The following NEBL variants were observed in gnomAD, a reference collection of about 807,000 sequenced individuals.
The protein encoded by NEBL is LIM and SH3 protein 2.
A neutral mutation model predicts 140.2 loss-of-function variants in NEBL; 122 were observed. The ratio of observed to expected loss-of-function variants is 0.87; its 90% CI spans 0.75 to 1.01. NEBL has a LOEUF of 1.01. Among genes scored for constraint, NEBL ranks in the 50% least tolerant of loss-of-function variants. NEBL has a pLI of 0.00. For missense variants in NEBL, 1,365 were observed against 1,231.3 expected (o/e 1.11, Z -1.62); for synonymous variants, 436 against 398.9 (o/e 1.09, Z -1.11).
chr10:20,939,991 C>T (rs1466688087), intron 4 of NEBL, among the ~76,000 whole-genome samples: 1 of 150,456 alleles, frequency 6.6e-6, no homozygotes, highest in Non-Finnish European at 1.5e-5. Context: ...TAATGGGAGA[C>T]TTTAACAACC....
At chr10:21,144,206 T>C (rs996336260) in intron 2 of NEBL, among the ~76,000 whole-genome samples, 3 of 152,196 alleles carry the variant, frequency 2.0e-5, no homozygotes, top group African/African-American at 7.2e-5. Context: ...ACACAGTCAT[T>C]GCCCTCAGGC....
At chr10:20,873,548 G>C (rs1845188811) in intron 5 of NEBL, among the ~76,000 whole-genome samples, 1 of 150,574 alleles carries the variant, frequency 6.6e-6, no homozygotes, top group Non-Finnish European at 1.5e-5. Flanking sequence ...GGAAGGAGGA[G>C]GGGAGAAAAA....
intron 1 of NEBL, among the ~76,000 whole-genome samples, chr10:21,283,808 T>C (rs1340997931): frequency 6.6e-6 from 1 of 152,058 alleles, no homozygotes; most frequent in Admixed American, 6.6e-5. Flanking sequence ...ATAAGGGACC[T>C]GAGCTGAATT....
At chr10:20,931,279 T>C (rs891771894) in intron 4 of NEBL, among the ~76,000 whole-genome samples, 1 of 152,106 alleles carries the variant, frequency 6.6e-6, no homozygotes, top group Non-Finnish European at 1.5e-5. Flanking sequence ...TAAAAAAAAA[T>C]CTTTGGCACA....
intron 3 of NEBL, among the ~76,000 whole-genome samples, chr10:21,185,015 A>G (rs1042693142): frequency 2.6e-5 from 4 of 152,174 alleles, no homozygotes; most frequent in African/African-American, 4.8e-5. Flanking sequence ...TTGCTATCTT[A>G]CCTTCTCCCA....
chr10:21,171,265 G>A (rs529017867), intron 2 of NEBL, among the ~76,000 whole-genome samples: 57 of 151,502 alleles, frequency 3.8e-4, no homozygotes, highest in Admixed American at 6.6e-4. Context: ...AACCTGGGAG[G>A]TGGTGGTTGC....
Position 20,815,623 on chromosome 10 carries a change from G to A in NEBL, c.2241+2C>T, listed in dbSNP as rs1050564619. 1 of 1,596,934 alleles carries A rather than the reference G, an allele frequency of 6.3e-7. No homozygotes were observed. Among genetic ancestry groups the A allele is most frequent in the Non-Finnish European group, 8.6e-7 (1 of 1,164,620 alleles). On this transcript the variant is annotated splice_donor_variant, in intron 22 of 27. Transcript: ENST00000377122. LOFTEE classifies it low-confidence loss of function (GC_TO_GT_DONOR). Reference sequence around the variant, plus strand: ...TAGTCTAAAATGAAGAAAACCACTTGCCGAGCTAATATTTTCTTGATTCTT... The same window carrying A: ...TAGTCTAAAATGAAGAAAACCACTTACCGAGCTAATATTTTCTTGATTCTT...
chr10:21,142,870 G>GC (rs1191739649), intron 2 of NEBL, among the ~76,000 whole-genome samples: 1 of 152,050 alleles, frequency 6.6e-6, no homozygotes, highest in Admixed American at 6.6e-5. Context: ...CCATCCTCCT[G>GC]CCCCCCACCC....
At chr10:21,214,301 A>G (rs1841956933) in intron 3 of NEBL, among the ~76,000 whole-genome samples, 1 of 152,208 alleles carries the variant, frequency 6.6e-6, no homozygotes, top group Admixed American at 6.5e-5. Flanking sequence ...TATCAAATAA[A>G]GCATTCTTTG....
intron 2 of NEBL, among the ~76,000 whole-genome samples, chr10:21,153,851 T>G (rs1243050548): frequency 6.6e-6 from 1 of 152,138 alleles, no homozygotes; most frequent in African/African-American, 2.4e-5. Flanking sequence ...TATACGGAAA[T>G]AAACGTAAGT....
chr10:20,949,022 A>C (rs1215418425), intron 4 of NEBL, among the ~76,000 whole-genome samples: 3 of 152,218 alleles, frequency 2.0e-5, no homozygotes, highest in Admixed American at 6.5e-5. Context: ...GCTATTTCAG[A>C]TGCATGTATG....
Position 21,271,442 on chromosome 10 carries a change from T to C in NEBL, n.183-19614A>G, listed in dbSNP as rs1842858962. 2.6e-5 allele frequency among the ~76,000 whole-genome samples: 4 copies of C among 152,178 alleles called. No homozygotes were observed. In the South Asian group the frequency reaches 8.3e-4, roughly 31 times the overall value. On this transcript the variant is annotated intron_variant and non_coding_transcript_variant, in intron 1 of 8. Transcript: ENST00000675702. ...AAATTTTAGTTACAAGATTAACATA[T>C]TCCGGGTTTCATGTACAACGTGGTA...
rs1433610551 is a variant in NEBL, at chr10:21,079,011, A to ATT, written c.165-58812_165-58811dup. Among the ~76,000 whole-genome samples the ATT allele has an allele frequency of 5.3e-5, 8 of 152,224 alleles. No homozygotes were observed. In the East Asian group the frequency reaches 1.3e-3, roughly 26 times the overall value. On this transcript the variant is annotated intron_variant, in intron 2 of 6. Transcript: ENST00000417816. ...TTTATAGAAACATCAGAATGTCTGT[A>ATT]TTTCTACCACCTCCAGATCTAAATG...
At chr10:20,904,115 T>C (rs1847990078) in intron 4 of NEBL, among the ~76,000 whole-genome samples, 1 of 152,154 alleles carries the variant, frequency 6.6e-6, no homozygotes. Flanking sequence ...GTGTTCTCTT[T>C]CTCTCTCAAA....
intron 3 of NEBL, among the ~76,000 whole-genome samples, chr10:21,227,084 TAA>T (rs1842161609): frequency 6.6e-6 from 1 of 152,204 alleles, no homozygotes; most frequent in South Asian, 2.1e-4. Flanking sequence ...CTCAAATCAG[TAA>T]CAATGTTGTT....
At chr10:21,058,907 T>C (rs774920568) in intron 2 of NEBL, among the ~76,000 whole-genome samples, 1 of 152,198 alleles carries the variant, frequency 6.6e-6, no homozygotes, top group Non-Finnish European at 1.5e-5. Context: ...CTCCTACTAA[T>C]TGTGTAAAGT....
chr10:20,791,891 T>C (rs2131641291), intron 26 of NEBL, among the ~76,000 whole-genome samples: 1 of 152,308 alleles, frequency 6.6e-6, no homozygotes, highest in Admixed American at 6.5e-5. Flanking sequence ...TTGGTGTTCA[T>C]GGTGCTTTGT....
In NEBL at chr10:21,017,969, C is replaced by G. The variant is rs527513360; in HGVS notation, c.249+2148G>C. ...TCGAGTAGTTGGGATTACAGGCATC[C>G]GCCACCACTCCCAGCTAATTTTTGT... On this transcript the variant is annotated intron_variant, in intron 3 of 6. Coordinates refer to the NEBL transcript ENST00000417816. 2.6e-4 allele frequency among the ~76,000 whole-genome samples: 39 copies of G among 152,154 alleles called. 1 individual carries two copies. The South Asian group carries it at 8.1e-3, about 32-fold the overall frequency.
At chr10:21,083,697 T>A (rs1836491175) in intron 2 of NEBL, among the ~76,000 whole-genome samples, 1 of 151,960 alleles carries the variant, frequency 6.6e-6, no homozygotes, top group East Asian at 1.9e-4. Context: ...ATACAAAAAT[T>A]AGCCAGGCGT....
Sources: gnomAD v4.1 joint callset for allele counts (sites outside exome capture counted in the v4.1 genomes callset) on GRCh38, gnomAD v4.1.1 for gene constraint, MANE v1.5 for transcripts, NCBI Gene and HGNC (gene_info 2026-07-23, HGNC 2026-07-21) for gene names.